The following DTNA variants were observed in gnomAD, a reference collection of about 807,000 sequenced individuals.
DTNA encodes the protein dystrobrevin alpha, also known as dystrophin-related protein 3.
Under a neutral mutation model 100.7 loss-of-function variants are expected in DTNA, and 43 were observed. The ratio of observed to expected loss-of-function variants is 0.43; its 90% CI spans 0.33 to 0.55. DTNA has a LOEUF of 0.55. DTNA is among the 20% of genes least tolerant of loss of function. DTNA has a pLI of 0.04. For missense variants in DTNA, 798 were observed against 953.9 expected (o/e 0.84, Z 2.15); for synonymous variants, 349 against 347.9 (o/e 1.00, Z -0.04).
At position 34,710,321 on chromosome 18, in the gene DTNA, G is replaced by A. The variant is rs1315073196; in HGVS notation, c.-126G>A. On this transcript the variant is annotated 5_prime_UTR_variant, in exon 1 of 23. An upstream open reading frame in the 5' UTR loses its in-frame stop. Coordinates refer to ENST00000444659, the MANE Select transcript of DTNA (RefSeq NM_001386795.1). ...GGAAGAATGAACACAGCTTTTTATT[G>A]AAGTTAAAGGTTACTTTGGAGTTTG... 1 of 152,162 alleles carries A rather than the reference G, an allele frequency of 6.6e-6. No individual in the cohort carries two copies. The highest frequency in any genetic ancestry group is 1.5e-5 in the Non-Finnish European group (1 of 68,040). 9.4% of individuals were successfully genotyped at this position (152,162 alleles called of 1,614,324 possible). A position where few individuals can be genotyped will look rare whatever the true frequency, so the allele number is the denominator to read the frequency against.
chr18:34,743,965 G>A (rs1180317584), intron 1 of DTNA, among the ~76,000 whole-genome samples: 1 of 151,968 alleles, frequency 6.6e-6, no homozygotes, highest in Non-Finnish European at 1.5e-5. Context: ...TGTGGCCTCT[G>A]GAGAATATCA....
rs149261763 is a variant in DTNA, at chr18:34,850,832, T to C, written c.1435-999T>C. On this transcript the variant is annotated intron_variant, in intron 14 of 22. Transcript: ENST00000444659. ...ACATAAACATACACAAACAGATATATATATATGGCATATGATTAATGATAT... is the reference window on the plus strand; with the variant it reads ...ACATAAACATACACAAACAGATATACATATATGGCATATGATTAATGATAT... Among the ~76,000 whole-genome samples, 326 of 152,244 alleles carry C rather than the reference T, an allele frequency of 2.1e-3. 1 individual carries two copies. The highest frequency in any genetic ancestry group is 6.7e-3 in the Admixed American group (102 of 15,294).
At chr18:34,575,424 A>G (rs1297559164) in intron 1 of DTNA, among the ~76,000 whole-genome samples, 1 of 152,188 alleles carries the variant, frequency 6.6e-6, no homozygotes, top group East Asian at 1.9e-4. Context: ...ACCACTGTCC[A>G]TTTCATCTCT....
At chr18:34,879,402 T>A in intron 19 of DTNA, 149 bp from the exon 20 acceptor site, 1 of 789,850 alleles carries the variant, frequency 1.3e-6, no homozygotes, top group East Asian at 2.7e-5. Context: ...AATTCTTATT[T>A]TGAAACAATA....
At chr18:34,651,931 G>T (rs551882681) in intron 1 of DTNA, among the ~76,000 whole-genome samples, 1 of 152,132 alleles carries the variant, frequency 6.6e-6, no homozygotes, top group African/African-American at 2.4e-5. Context: ...GGGCATGGTA[G>T]CCCACACATA....
chr18:34,627,968 G>A (rs1030242036), intron 1 of DTNA, among the ~76,000 whole-genome samples: 3 of 151,980 alleles, frequency 2.0e-5, no homozygotes, highest in African/African-American at 7.3e-5. Context: ...GTTGTTGTTG[G>A]GGGGTAGAGA....
At chr18:34,801,342 A>G (rs2095203788) in intron 4 of DTNA, among the ~76,000 whole-genome samples, 2 of 152,166 alleles carry the variant, frequency 1.3e-5, no homozygotes, top group Admixed American at 6.5e-5. Flanking sequence ...TAAAGTTTGT[A>G]TAGGCAAAAG....
intron 1 of DTNA, among the ~76,000 whole-genome samples, chr18:34,657,147 G>A (rs181717532): frequency 2.0e-5 from 3 of 152,260 alleles, no homozygotes; most frequent in East Asian, 3.9e-4. Context: ...CAAAGTGCTA[G>A]GACTAGGCAT....
chr18:34,874,195 C>T (rs779585049), intron 17 of DTNA, among the ~76,000 whole-genome samples: 1 of 152,126 alleles, frequency 6.6e-6, no homozygotes, highest in Non-Finnish European at 1.5e-5. Context: ...TGGTGGTATA[C>T]ATCTAGGAGT....
Position 34,840,387 on chromosome 18 carries a change from T to C in DTNA, c.1346+1550T>C, listed in dbSNP as rs2096246355. On this transcript the variant is annotated intron_variant, in intron 13 of 22. Transcript: ENST00000444659. ...CAGTAGAACTAAGCATTGAATTTTT[T>C]TTTAATTGTATTGGTCATCTTTGAA... is the stretch of plus-strand genomic sequence containing the variant. Among the ~76,000 whole-genome samples the C allele has an allele frequency of 2.6e-5, 4 of 152,274 alleles. No individual in the cohort carries two copies. The South Asian group carries it at 8.3e-4, about 32-fold the overall frequency.
intron 1 of DTNA, among the ~76,000 whole-genome samples, chr18:34,642,031 T>C (rs2059331475): frequency 1.3e-5 from 2 of 152,198 alleles, no homozygotes; most frequent in Admixed American, 6.5e-5. Flanking sequence ...TCAGAACTTG[T>C]TTAACTACTT....
chr18:34,717,528 T>A (rs2146789990), intron 1 of DTNA, among the ~76,000 whole-genome samples: 1 of 152,320 alleles, frequency 6.6e-6, no homozygotes, highest in Non-Finnish European at 1.5e-5. Context: ...AGTCTGTAGT[T>A]TTGTTTGCTT....
At chr18:34,620,003 G>T (rs890079544) in intron 1 of DTNA, among the ~76,000 whole-genome samples, 4 of 152,084 alleles carry the variant, frequency 2.6e-5, no homozygotes, top group Admixed American at 1.3e-4. Context: ...AGGACAGAAT[G>T]GTTTTACCAA....
chr18:34,557,291 A>G (rs1274346030), intron 1 of DTNA, among the ~76,000 whole-genome samples: 1 of 140,756 alleles, frequency 7.1e-6, no homozygotes, highest in Non-Finnish European at 1.5e-5. Flanking sequence ...CAAAGTTTTC[A>G]ACTTCTTTGC....
chr18:34,863,836 C>T (rs1462278701), intron 16 of DTNA, 130 bp from the exon 17 acceptor site: 2 of 826,722 alleles, frequency 2.4e-6, no homozygotes, highest in Non-Finnish European at 2.0e-6. Context: ...ACAACAGTTC[C>T]CTGCCTGGTA....
intron 1 of DTNA, among the ~76,000 whole-genome samples, chr18:34,631,015 T>G (rs1599324623): frequency 6.6e-6 from 1 of 151,788 alleles, no homozygotes; most frequent in Non-Finnish European, 1.5e-5. Context: ...AGACACAGAG[T>G]CAATCACAGG....
chr18:34,824,257 C>T (rs992336793), intron 9 of DTNA, among the ~76,000 whole-genome samples: 1 of 152,052 alleles, frequency 6.6e-6, no homozygotes, highest in Non-Finnish European at 1.5e-5. Context: ...GGGCGGATCA[C>T]GAGGTCAGGA....
intron 12 of DTNA, 118 bp from the exon 13 acceptor site, chr18:34,838,626 TC>T: frequency 1.2e-6 from 1 of 815,238 alleles, no homozygotes; most frequent in Admixed American, 1.8e-5. Flanking sequence ...TTACTACCCT[TC>T]CTTTACCTGC....
rs1188568397 is a variant in DTNA at position 34,889,071 on chromosome 18, C to T, written c.*1337C>T. ...ACCCTCTTTAGAGGGCCCTAAAGACCTCCTTTGGGAATTCTGGGGAAAAAG... is the reference window on the plus strand; with the variant it reads ...ACCCTCTTTAGAGGGCCCTAAAGACTTCCTTTGGGAATTCTGGGGAAAAAG... On this transcript the variant is annotated 3_prime_UTR_variant, in exon 23 of 23. Transcript: ENST00000444659. 3 of 985,572 alleles carry T rather than the reference C, an allele frequency of 3.0e-6. No homozygotes were observed. In the African/African-American group the frequency reaches 5.2e-5, roughly 17 times the overall value. The allele number at this position is 985,572 out of a possible 1,614,324, so 61.1% of individuals were successfully genotyped here.
Sources: gnomAD v4.1 joint callset for allele counts (sites outside exome capture counted in the v4.1 genomes callset) on GRCh38, gnomAD v4.1.1 for gene constraint, MANE v1.5 for transcripts, NCBI Gene and HGNC (gene_info 2026-07-23, HGNC 2026-07-21) for gene names.